Variants in CTSE observed in about 807,000 individuals in gnomAD.
CTSE encodes cathepsin E, also known as erythrocyte membrane aspartic proteinase.
In CTSE, 43 loss-of-function variants were observed where a neutral mutation model predicts 42.8. That is an observed-to-expected ratio of 1.01 (90% confidence interval 0.79 to 1.30). CTSE has a LOEUF of 1.30. Among genes scored for constraint, CTSE ranks in the 50% most tolerant of loss-of-function variants. The probability of loss-of-function intolerance (pLI) is 0.00; values close to 1 mark genes in which losing one functional copy is unlikely to be tolerated. For synonymous variants in CTSE, 205 were observed against 191.5 expected, an observed-to-expected ratio of 1.07 and a Z score of -0.58; for missense variants, 532 against 493.5, an observed-to-expected ratio of 1.08 and a Z score of -0.74.
chr1:206,009,830 T>G lies in CTSE; in HGVS notation c.*353A>C. ...GATGGGTTGTCAGGGCTGAGTGGAG[T>G]TGCAAAGGGATTTATTATACCATGA... On this transcript the variant is annotated 3_prime_UTR_variant, in exon 9 of 9. Coordinates refer to ENST00000358184, the MANE Select transcript of CTSE (RefSeq NM_001910.4). The G allele has an allele frequency of 7.3e-6, 2 of 273,244 alleles. No individual in the cohort carries two copies. Among genetic ancestry groups the G allele is most frequent in the Non-Finnish European group, 1.4e-5 (2 of 139,956 alleles). The allele number at this position is 273,244 out of a possible 1,614,324, so 16.9% of individuals were successfully genotyped here.
At chr1:206,016,725 C>T (rs1194426052) in intron 4 of CTSE, among the ~76,000 whole-genome samples, 1 of 152,022 alleles carries the variant, frequency 6.6e-6, no homozygotes, top group African/African-American at 2.4e-5. Flanking sequence ...GTATCTTGTT[C>T]AACGCAAGTC....
rs369457017 is a variant in CTSE at position 206,017,116 on chromosome 1, G to A, written c.463-986C>T. Among the ~76,000 whole-genome samples, 228 of 152,006 alleles carry A rather than the reference G, an allele frequency of 1.5e-3. 1 individual carries two copies. Among genetic ancestry groups the A allele is most frequent in the African/African-American group, 5.1e-3 (213 of 41,512 alleles). ...TATGCAAGTCTTTTACTTTTATTTA[G>A]TAATGTTTGCTATTATCAGAGTAGA... On this transcript the variant is annotated intron_variant, in intron 4 of 8. Transcript: ENST00000358184.
At chr1:206,018,089 GCTT>G (rs1275157528) in intron 4 of CTSE, among the ~76,000 whole-genome samples, 1 of 151,938 alleles carries the variant, frequency 6.6e-6, no homozygotes, top group Non-Finnish European at 1.5e-5. Flanking sequence ...TTTGCTGTGG[GCTT>G]CTTTTAGATG....
chr1:206,016,136 A>G lies in CTSE; in HGVS notation c.463-6T>C, dbSNP rs200008402. On this transcript the variant is annotated splice_region_variant and splice_polypyrimidine_tract_variant and intron_variant, in intron 4 of 8. Transcript: ENST00000358184. ...ACCACGGTTAGTCCTTCCACCTGGT[A>G]GGAGAAAGCCCACAGGAGAACAGGA... The G allele has an allele frequency of 1.3e-5, 21 of 1,613,228 alleles. No homozygotes were observed. The East Asian group carries it at 4.5e-4, about 34-fold the overall frequency.
Position 206,022,149 on chromosome 1 carries a change from C to T in CTSE, c.343+1G>A. On this transcript the variant is annotated splice_donor_variant, in intron 3 of 8. Coordinates refer to ENST00000358184, the MANE Select transcript of CTSE (RefSeq NM_001910.4). LOFTEE classifies it high-confidence loss of function. The stretch of plus-strand genomic sequence containing the variant: ...CTGCTGGTGCTCCTGGCCCCACTTA[C>T]TGCAGGCTGGGCTAGTGCAGTACAC... 1.3e-6 allele frequency: 2 copies of T among 1,583,088 alleles called. No homozygotes were observed. The highest frequency in any genetic ancestry group is 1.7e-6 in the Non-Finnish European group (2 of 1,158,888).
At position 206,013,892 on chromosome 1, in the gene CTSE, T is replaced by A; in HGVS notation, c.665A>T (p.Asn222Ile). ...CTCGCTCCCCGCACCACCTTCTGGG[T>A]TACTACATGGAGAGAAAGACAAACT... ...LPMFSVYMSSNPEGGAGSELI... is the reference protein window; with the variant it reads ...LPMFSVYMSSIPEGGAGSELI... Residue 222 changes from asparagine to isoleucine, a missense_variant and splice_region_variant, in exon 6 of 9, where the codon AAC becomes ATC. By Grantham distance (149) the Asn-to-Ile change is moderately radical. Transcript: ENST00000358184. The A allele has an allele frequency of 6.2e-7, 1 of 1,613,670 alleles. No homozygotes were observed. The highest frequency in any genetic ancestry group is 8.5e-7 in the Non-Finnish European group (1 of 1,179,808).
chr1:206,016,190 G>A (rs1553277720), intron 4 of CTSE, 60 bp from the exon 5 acceptor site: 4 of 1,504,548 alleles, frequency 2.7e-6, no homozygotes, highest in Non-Finnish European at 2.8e-6. Flanking sequence ...CTGGCAAAGG[G>A]TTTGACTCCT....
chr1:206,021,056 T>C lies in CTSE; in HGVS notation c.455A>G (p.Gln152Arg). The C allele has an allele frequency of 6.2e-7, 1 of 1,606,910 alleles. No homozygotes were observed. The highest frequency in any genetic ancestry group is 8.5e-7 in the Non-Finnish European group (1 of 1,173,414). ...GSLSGIIGADQVSVEGLTVVG... is the reference protein window; with the variant it reads ...GSLSGIIGADRVSVEGLTVVG... ...TGAAGGACTTGCACTCACAGAGACTTGGTCGGCTCCAATGATCCCGGACAA... is the reference window on the plus strand; with the variant it reads ...TGAAGGACTTGCACTCACAGAGACTCGGTCGGCTCCAATGATCCCGGACAA... Residue 152 changes from glutamine (Q) to arginine (R), a missense_variant, in exon 4 of 9, where the codon CAA becomes CGA. Physicochemically the swap from Gln to Arg is conservative, Grantham distance 43. Transcript: ENST00000358184.
intron 6 of CTSE, among the ~76,000 whole-genome samples, chr1:206,012,854 A>G (rs1661151656): frequency 6.6e-6 from 1 of 152,048 alleles, no homozygotes; most frequent in South Asian, 2.1e-4. Context: ...CATTCATGCA[A>G]TTGAAGTGCA....
At chr1:206,021,836 A>G (rs1488533424) in intron 3 of CTSE, among the ~76,000 whole-genome samples, 2 of 151,962 alleles carry the variant, frequency 1.3e-5, no homozygotes, top group Non-Finnish European at 2.9e-5. Flanking sequence ...AACTTCCCCT[A>G]CATTCCTTTG....
chr1:206,010,800 CTTG>C (rs1199016460), intron 8 of CTSE, among the ~76,000 whole-genome samples: 3 of 152,074 alleles, frequency 2.0e-5, no homozygotes, highest in African/African-American at 7.2e-5. Context: ...CTGCTATTTT[CTTG>C]TTGATGTTCT....
At chr1:206,016,291 C>A in intron 4 of CTSE, 161 bp from the exon 5 acceptor site, 1 of 667,876 alleles carries the variant, frequency 1.5e-6, no homozygotes, top group East Asian at 2.7e-5. Flanking sequence ...TCCCAAAAAA[C>A]AGGACATTCC....
rs375473190 is a variant in CTSE at position 206,023,074 on chromosome 1, A to G, written c.69-17T>C. On this transcript the variant is annotated splice_polypyrimidine_tract_variant and intron_variant, in intron 1 of 8. Coordinates refer to ENST00000358184, the MANE Select transcript of CTSE (RefSeq NM_001910.4). ...AGGGGCACCCTGGAGACAAACCCCC[A>G]TGTAAGCAGGAGATGTACTTCTGCC... 1 of 1,444,970 alleles carries G rather than the reference A, an allele frequency of 6.9e-7. No individual in the cohort carries two copies. The highest frequency in any genetic ancestry group is 1.1e-5 in the South Asian group (1 of 89,096). The allele number at this position is 1,444,970 out of a possible 1,614,324, so 89.5% of individuals were successfully genotyped here. A position where few individuals can be genotyped will look rare whatever the true frequency, so the allele number is the denominator to read the frequency against.
chr1:206,014,222 G>C, intron 5 of CTSE: 1 of 213,448 alleles, frequency 4.7e-6, no homozygotes, highest in East Asian at 1.0e-4. Context: ...TACACTGTGT[G>C]GCTTGAAGCA....
chr1:206,016,022 A>C lies in CTSE; in HGVS notation c.571T>G (p.Ser191Ala), dbSNP rs921239650. ...GGAGTCACTCCTCCCACAGCCAAGG[A>C]GGGGTATCCCAGGCCCAGAATTCCA... is the stretch of plus-strand genomic sequence containing the variant. ...FDGILGLGYP[S>A]LAVGGVTPVF... The change falls in exon 5 of 9, where the codon TCC becomes GCC. Residue 191 changes from serine to alanine, a missense_variant. Ser to Ala is a moderately conservative substitution (Grantham distance 99). Coordinates refer to ENST00000358184, the MANE Select transcript of CTSE (RefSeq NM_001910.4). 13 of 1,613,788 alleles carry C rather than the reference A, an allele frequency of 8.1e-6. No homozygotes were observed. The African/African-American group carries it at 1.6e-4, about 20-fold the overall frequency.
intron 2 of CTSE, among the ~76,000 whole-genome samples, 175 bp from the exon 3 acceptor site, chr1:206,022,442 A>G (rs574756854): frequency 6.6e-6 from 1 of 152,142 alleles, no homozygotes; most frequent in African/African-American, 2.4e-5. Context: ...GAGCAGAGAA[A>G]TGGCCATGAA....
rs1553277439 is a variant in CTSE, at chr1:206,013,831, A to G, written c.726T>C (p.Ser242=). 1 of 1,613,850 alleles carries G rather than the reference A, an allele frequency of 6.2e-7. No homozygotes were observed. Among genetic ancestry groups the G allele is most frequent in the South Asian group, 1.1e-5 (1 of 91,078 alleles). Residue 242 remains serine (S), a synonymous_variant, in exon 6 of 9, where the codon TCT becomes TCC. Coordinates refer to ENST00000358184, the MANE Select transcript of CTSE (RefSeq NM_001910.4). Reference sequence around the variant, plus strand: ...TGACTGGGACCCAATTCAGGCTCCCAGAGAAATGGGAGTGGTCGTAGCCTC... The same window carrying G: ...TGACTGGGACCCAATTCAGGCTCCCGGAGAAATGGGAGTGGTCGTAGCCTC... ...IFGGYDHSHF[S]GSLNWVPVTK... is the part of the protein sequence containing the mutation.
Position 206,012,368 on chromosome 1 carries a change from A to G in CTSE, c.966T>C (p.Asp322=). The stretch of plus-strand genomic sequence containing the variant: ...GGACTCCGTTAATGGTGAAGGTGAC[A>G]TCCGGCATGACGTTAAGGTTGGCAC... ...VECANLNVMP[D]VTFTINGVPY... is the part of the protein sequence containing the mutation. The change falls in exon 8 of 9, where the codon GAT becomes GAC. Residue 322 remains aspartate, a synonymous_variant. Coordinates refer to ENST00000358184, the MANE Select transcript of CTSE (RefSeq NM_001910.4). The G allele has an allele frequency of 6.2e-7, 1 of 1,613,980 alleles. No individual in the cohort carries two copies. Among genetic ancestry groups the G allele is most frequent in the Non-Finnish European group, 8.5e-7 (1 of 1,179,924 alleles).
At chr1:206,022,754 C>T (rs550416487) in intron 2 of CTSE, 147 bp downstream of exon 2, 4 of 758,298 alleles carry the variant, frequency 5.3e-6, no homozygotes, top group African/African-American at 3.6e-5. Context: ...CCATGGGGAC[C>T]CAGGGAATCA....
Sources: allele counts gnomAD v4.1 joint callset (sites outside exome capture counted in the v4.1 genomes callset), GRCh38; gene constraint gnomAD v4.1.1; transcripts MANE v1.5; gene names NCBI Gene and HGNC (gene_info 2026-07-23, HGNC 2026-07-21).